The following SH3RF3 variants were observed in gnomAD, a reference collection of about 807,000 sequenced individuals.
The protein encoded by SH3RF3 is E3 ubiquitin-protein ligase SH3RF3.
Under a neutral mutation model 66.3 loss-of-function variants are expected in SH3RF3, and 29 were observed. That is an observed-to-expected ratio of 0.44 (90% confidence interval 0.33 to 0.60). The LOEUF (loss-of-function observed/expected upper bound fraction) is 0.60, where lower values mean the gene tolerates loss of function less well. Ranked by LOEUF, SH3RF3 falls within the 20% of genes least tolerant of loss-of-function variation. The pLI, the probability that SH3RF3 is intolerant of heterozygous loss-of-function variation, is 0.04. For missense variants in SH3RF3, 1,194 were observed against 1,190.9 expected, an observed-to-expected ratio of 1.00 and a Z score of -0.04; for synonymous variants, 583 against 532.0, an observed-to-expected ratio of 1.10 and a Z score of -1.32.
chr2:109,291,616 T>C (rs1365644228), intron 1 of SH3RF3, among the ~76,000 whole-genome samples: 2 of 152,146 alleles, frequency 1.3e-5, no homozygotes, highest in Admixed American at 6.5e-5. Context: ...CTCCTCGTGG[T>C]GGGGAAATGT....
At chr2:109,336,978 G>A (rs1027116606) in intron 1 of SH3RF3, among the ~76,000 whole-genome samples, 3 of 152,176 alleles carry the variant, frequency 2.0e-5, no homozygotes, top group African/African-American at 7.2e-5. Flanking sequence ...TTAGTGTAAA[G>A]CAGACAAATG....
chr2:109,338,602 G>C (rs12464992), intron 1 of SH3RF3, among the ~76,000 whole-genome samples: 18,403 of 152,184 alleles, frequency 0.12, 1,303 homozygotes, highest in Middle Eastern at 0.21. Context: ...CTGTTGCCCA[G>C]ACTGGAATGC....
chr2:109,215,739 A>T (rs907305795), intron 1 of SH3RF3, among the ~76,000 whole-genome samples: 1 of 152,160 alleles, frequency 6.6e-6, no homozygotes, highest in Admixed American at 6.5e-5. Flanking sequence ...CTGCTAGGAC[A>T]TCTAATGGGG....
Position 109,129,346 on chromosome 2 carries a change from GGCCGGTCCCC to G in SH3RF3, c.-191_-182del. 6.4e-6 allele frequency: 4 copies of G among 628,004 alleles called. No individual in the cohort carries two copies. The highest frequency in any genetic ancestry group is 6.7e-5 in the African/African-American group (1 of 14,982). 38.9% of individuals were successfully genotyped at this position (628,004 alleles called of 1,614,324 possible). ...TCGGCTGGCCGGTCCCCGCCACGCA[GGCCGGTCCCC>G]GCCACGCAGGCCGGTCGGTGAGCCA... is the stretch of plus-strand genomic sequence containing the variant. On this transcript the variant is annotated 5_prime_UTR_variant, in exon 1 of 10. Coordinates refer to ENST00000309415, the MANE Select transcript of SH3RF3 (RefSeq NM_001099289.3).
intron 1 of SH3RF3, among the ~76,000 whole-genome samples, chr2:109,294,762 C>T (rs1313546832): frequency 2.0e-5 from 3 of 152,086 alleles, no homozygotes; most frequent in East Asian, 1.9e-4. Flanking sequence ...GGGGCAGTCA[C>T]GACCCGAGTG....
intron 2 of SH3RF3, among the ~76,000 whole-genome samples, chr2:109,353,125 G>A (rs1468652226): frequency 6.6e-6 from 1 of 152,226 alleles, no homozygotes; most frequent in African/African-American, 2.4e-5. Flanking sequence ...CTGTCCCGGA[G>A]TCATGGCAAA....
At chr2:109,406,863 A>G (rs6714032) in intron 4 of SH3RF3, among the ~76,000 whole-genome samples, 10,085 of 151,518 alleles carry the variant, frequency 0.067, 480 homozygotes, top group East Asian at 0.26. Context: ...CCAATCTTAC[A>G]GCCCCGCCCT....
chr2:109,432,927 G>A (rs149245884), intron 6 of SH3RF3, among the ~76,000 whole-genome samples: 4 of 152,380 alleles, frequency 2.6e-5, no homozygotes, highest in African/African-American at 9.6e-5. Flanking sequence ...GAGGAGCAGG[G>A]ACAGGAAAGT....
At chr2:109,164,474 G>A (rs1677567404) in intron 1 of SH3RF3, among the ~76,000 whole-genome samples, 1 of 152,222 alleles carries the variant, frequency 6.6e-6, no homozygotes, top group Non-Finnish European at 1.5e-5. Context: ...GTGAGCCACA[G>A]TATTTGGCCC....
intron 1 of SH3RF3, among the ~76,000 whole-genome samples, chr2:109,197,937 T>C (rs932448241): frequency 6.6e-6 from 1 of 152,206 alleles, no homozygotes; most frequent in Non-Finnish European, 1.5e-5. Context: ...TTGGGCAGCC[T>C]TGGTTATTTG....
chr2:109,291,602 G>A (rs1373570157), intron 1 of SH3RF3, among the ~76,000 whole-genome samples: 1 of 152,250 alleles, frequency 6.6e-6, no homozygotes, highest in Non-Finnish European at 1.5e-5. Context: ...CTGAGCCCAG[G>A]CAGCTCCTCG....
At chr2:109,179,003 A>ATATGTGTGTGTG (rs764622844) in intron 1 of SH3RF3, among the ~76,000 whole-genome samples, 2 of 142,178 alleles carry the variant, frequency 1.4e-5, no homozygotes, top group Admixed American at 7.0e-5. Flanking sequence ...AAGTATAATA[A>ATATGTGTGTGTG]TGTGTGTGTG....
intron 9 of SH3RF3, among the ~76,000 whole-genome samples, chr2:109,491,195 G>A (rs1679124172): frequency 6.6e-6 from 1 of 152,186 alleles, no homozygotes; most frequent in African/African-American, 2.4e-5. Flanking sequence ...CAGGAAATGT[G>A]TCAGGACCAA....
At chr2:109,386,955 T>TCAAA (rs1675839688) in intron 3 of SH3RF3, among the ~76,000 whole-genome samples, 1 of 152,214 alleles carries the variant, frequency 6.6e-6, no homozygotes, top group Non-Finnish European at 1.5e-5. Context: ...TCTGCTTTTT[T>TCAAA]GTTTCTAATG....
At chr2:109,133,192 T>G (rs1676736918) in intron 1 of SH3RF3, among the ~76,000 whole-genome samples, 1 of 152,228 alleles carries the variant, frequency 6.6e-6, no homozygotes, top group Non-Finnish European at 1.5e-5. Flanking sequence ...GGAAGGACAT[T>G]GTCACAAATT....
intron 1 of SH3RF3, among the ~76,000 whole-genome samples, chr2:109,331,453 A>G (rs1005362910): frequency 6.6e-6 from 1 of 152,048 alleles, no homozygotes; most frequent in Non-Finnish European, 1.5e-5. Flanking sequence ...TCTCCCTGCC[A>G]GGAGCACTTT....
chr2:109,184,021 C>T (rs942142793), intron 1 of SH3RF3, among the ~76,000 whole-genome samples: 2 of 152,170 alleles, frequency 1.3e-5, no homozygotes, highest in African/African-American at 4.8e-5. Flanking sequence ...TTGAGTGACA[C>T]GGTGTGTGTT....
intron 7 of SH3RF3, among the ~76,000 whole-genome samples, chr2:109,446,557 C>T (rs563810319): frequency 1.3e-5 from 2 of 152,272 alleles, no homozygotes; most frequent in African/African-American, 4.8e-5. Context: ...AGGTGGTAGG[C>T]AGGTCTCTAG....
rs532934996 is a variant in SH3RF3, at chr2:109,432,424, C to T, written c.1404-77C>T. 3 of 1,561,706 alleles carry T rather than the reference C, an allele frequency of 1.9e-6. No individual in the cohort carries two copies. The Admixed American group carries it at 5.6e-5, about 29-fold the overall frequency. On this transcript the variant is annotated intron_variant, in intron 5 of 9. Coordinates refer to ENST00000309415, the MANE Select transcript of SH3RF3 (RefSeq NM_001099289.3). ...TAGGTTGGGTTCCTCCAAAGACAACCTCCCCCCAGGAATGCCGGCCGGTCC... is the reference window on the plus strand; with the variant it reads ...TAGGTTGGGTTCCTCCAAAGACAACTTCCCCCCAGGAATGCCGGCCGGTCC...
Sources: gnomAD v4.1 joint callset for allele counts (sites outside exome capture counted in the v4.1 genomes callset) on GRCh38, gnomAD v4.1.1 for gene constraint, MANE v1.5 for transcripts, NCBI Gene and HGNC (gene_info 2026-07-23, HGNC 2026-07-21) for gene names.